The following DSCAML1 variants were observed in gnomAD, a reference collection of about 807,000 sequenced individuals.
DSCAML1 encodes DS cell adhesion molecule like 1.
In DSCAML1, 38 loss-of-function variants were observed where a neutral mutation model predicts 200.5. That is an observed-to-expected ratio of 0.19 (90% CI 0.15 to 0.25). The LOEUF (loss-of-function observed/expected upper bound fraction) is 0.25. Ranked by LOEUF, DSCAML1 falls within the 10% of genes least tolerant of loss-of-function variation. The pLI is 1.00. For synonymous variants in DSCAML1, 1,215 were observed against 1,165.0 expected (o/e 1.04, Z -0.87); for missense variants, 2,223 against 2,858.8 (o/e 0.78, Z 5.07).
At chr11:117,692,363 G>A (rs1239402090) in intron 3 of DSCAML1, among the ~76,000 whole-genome samples, 1 of 152,080 alleles carries the variant, frequency 6.6e-6, no homozygotes, top group East Asian at 1.9e-4. Flanking sequence ...GAGCCGTTCT[G>A]AGTGGGTTTT....
intron 14 of DSCAML1, among the ~76,000 whole-genome samples, chr11:117,476,647 G>C (rs1254243842): frequency 6.6e-6 from 1 of 152,242 alleles, no homozygotes; most frequent in African/African-American, 2.4e-5. Context: ...TGTGGTGTCT[G>C]CATTTTTAAA....
chr11:117,607,685 C>T (rs763809074), intron 3 of DSCAML1, among the ~76,000 whole-genome samples: 1 of 152,176 alleles, frequency 6.6e-6, no homozygotes, highest in Non-Finnish European at 1.5e-5. Flanking sequence ...GCCCCCACAC[C>T]TTATCTGTGC....
chr11:117,501,600 G>A (rs1302393845), intron 11 of DSCAML1, among the ~76,000 whole-genome samples: 1 of 152,150 alleles, frequency 6.6e-6, no homozygotes, highest in African/African-American at 2.4e-5. Context: ...GGAGAGTGGG[G>A]CCGGAATGGG....
Position 117,505,449 on chromosome 11 carries a change from C to T in DSCAML1, c.2062+5G>A. On this transcript the variant is annotated splice_donor_5th_base_variant and intron_variant, in intron 9 of 32. Transcript: ENST00000651296. The surrounding 1 kb of genome is among the most constrained non-coding windows in gnomAD (Gnocchi z 6.7). The stretch of plus-strand genomic sequence containing the variant: ...CTCCCCTGAGGCTGGCCTGTCCCTG[C>T]TCACCACGCACGATGAGCTGGCGCT... 6.2e-7 allele frequency: 1 copy of T among 1,608,150 alleles called. No homozygotes were observed. Among genetic ancestry groups the T allele is most frequent in the Non-Finnish European group, 8.5e-7 (1 of 1,179,528 alleles).
chr11:117,583,385 T>C (rs2051079777), intron 3 of DSCAML1, among the ~76,000 whole-genome samples: 1 of 152,148 alleles, frequency 6.6e-6, no homozygotes, highest in African/African-American at 2.4e-5. Context: ...CACTAGCCAA[T>C]GTCTAAATCT....
At chr11:117,525,264 GCCAGA>G (rs1331119371) in intron 4 of DSCAML1, among the ~76,000 whole-genome samples, 181 bp from the exon 5 acceptor site, 3 of 152,130 alleles carry the variant, frequency 2.0e-5, no homozygotes, top group Non-Finnish European at 4.4e-5. Context: ...CTGTGCTCAG[GCCAGA>G]CCAAGCCCCA....
chr11:117,562,666 GAATGAATGAACA>G (rs1221345316), intron 3 of DSCAML1, among the ~76,000 whole-genome samples: 6 of 152,224 alleles, frequency 3.9e-5, no homozygotes, highest in African/African-American at 1.4e-4. Context: ...CCTTGTGAAT[GAATGAATGAACA>G]AATGAATGAA....
At position 117,465,126 on chromosome 11, in the gene DSCAML1, T is replaced by C; in HGVS notation, c.3081A>G (p.Arg1027=). ...GVIRGYQIGY[R]ENSPGSNGQY... is the part of the protein sequence containing the mutation. ...GCCCGTTGCTGCCGGGGCTGTTCTC[T>C]CTGTAGCCAATCTGGTAGCCCCGGA... Residue 1027 remains arginine (R), a synonymous_variant, in exon 17 of 33, where the codon AGA becomes AGG. Transcript: ENST00000651296. The C allele has an allele frequency of 6.2e-7, 1 of 1,614,094 alleles. No individual in the cohort carries two copies. Among genetic ancestry groups the C allele is most frequent in the Non-Finnish European group, 8.5e-7 (1 of 1,180,008 alleles).
chr11:117,612,476 T>C (rs2051716680), intron 3 of DSCAML1, among the ~76,000 whole-genome samples: 1 of 152,184 alleles, frequency 6.6e-6, no homozygotes, highest in African/African-American at 2.4e-5. Context: ...TAGTCCCTGC[T>C]GTGGATCAAT....
rs35503235 is a variant in DSCAML1 at position 117,521,395 on chromosome 11, A to C, written c.948T>G (p.His316Gln). The C allele has an allele frequency of 2.5e-6, 4 of 1,612,762 alleles. No homozygotes were observed. Among genetic ancestry groups the C allele is most frequent in the Non-Finnish European group, 3.4e-6 (4 of 1,179,056 alleles). ...TCAGCTTCTTTGGTGTCAGGGTCAC[A>C]TGAAGGGGATCTGGGCCGGGCCAGG... ...TGILMVIDPL[H>Q]VTLTPKKLKT... The change falls in exon 6 of 33, where the codon CAT becomes CAG. Residue 316 changes from histidine to glutamine, a missense_variant. Physicochemically the swap from His to Gln is conservative, Grantham distance 24 (BLOSUM62 0). Around this residue, in one of 7 missense-constraint regions of DSCAML1, gnomAD observed 579 missense variants for 721.5 expected, o/e 0.80. Coordinates refer to ENST00000651296, the MANE Select transcript of DSCAML1 (RefSeq NM_020693.4).
chr11:117,759,969 T>C (rs566788083), intron 3 of DSCAML1, among the ~76,000 whole-genome samples: 5 of 152,170 alleles, frequency 3.3e-5, no homozygotes, highest in African/African-American at 1.2e-4. Flanking sequence ...AGGAAATAAA[T>C]AGGGCAAAGA....
intron 3 of DSCAML1, among the ~76,000 whole-genome samples, chr11:117,595,973 TTC>T (rs554181981): frequency 2.0e-5 from 3 of 152,310 alleles, no homozygotes; most frequent in African/African-American, 7.2e-5. Flanking sequence ...TATTAATAAA[TTC>T]TTTTTTGTTC....
chr11:117,747,642 C>T (rs754440816), intron 3 of DSCAML1, among the ~76,000 whole-genome samples: 8 of 152,230 alleles, frequency 5.3e-5, no homozygotes, highest in Non-Finnish European at 1.0e-4. Context: ...AATGAGCTGG[C>T]TTCAGGAGGA....
intron 21 of DSCAML1, among the ~76,000 whole-genome samples, chr11:117,442,383 GTGTA>G: frequency 6.6e-6 from 1 of 152,198 alleles, no homozygotes; most frequent in African/African-American, 2.4e-5. Flanking sequence ...TGTATAGTGT[GTGTA>G]TGCATGTGTG....
chr11:117,771,180 G>A (rs1475643272), intron 3 of DSCAML1, among the ~76,000 whole-genome samples: 2 of 151,930 alleles, frequency 1.3e-5, no homozygotes, highest in African/African-American at 2.4e-5. Flanking sequence ...GTAGATTCGT[G>A]GGAGCCAAAG....
chr11:117,628,522 C>T (rs538975871), intron 3 of DSCAML1, among the ~76,000 whole-genome samples: 42 of 152,320 alleles, frequency 2.8e-4, no homozygotes, highest in Non-Finnish European at 5.1e-4. Flanking sequence ...CAGTCAATTC[C>T]GATATTCTGG....
At chr11:117,626,035 T>C (rs147793723) in intron 3 of DSCAML1, among the ~76,000 whole-genome samples, 2,400 of 152,356 alleles carry the variant, frequency 0.016, 31 homozygotes, top group East Asian at 0.058. Context: ...ACTTTGAGGC[T>C]AGTGCCTGTG....
At chr11:117,707,465 C>A (rs1028484715) in intron 3 of DSCAML1, among the ~76,000 whole-genome samples, 1 of 152,218 alleles carries the variant, frequency 6.6e-6, no homozygotes, top group African/African-American at 2.4e-5. Flanking sequence ...GCCCATTTAG[C>A]CCACCAGGCA....
rs751796435 is a variant in DSCAML1 at position 117,437,530 on chromosome 11, C to A, written c.4433-121G>T. On this transcript the variant is annotated intron_variant, in intron 25 of 32. Transcript: ENST00000651296. This position sits in a 1 kb window ranked among gnomAD's most constrained non-coding sequence, Gnocchi z 5.3. ...GGATGGCAGTGGCTCCAGGAGAATA[C>A]ATGTTTGGCACAGATGGGGTGGGGA... 1.7e-4 allele frequency: 209 copies of A among 1,231,868 alleles called. 1 individual carries two copies. The highest frequency in any genetic ancestry group is 1.9e-4 in the Non-Finnish European group (168 of 880,246). 76.3% of individuals were successfully genotyped at this position (1,231,868 alleles called of 1,614,324 possible). A position where few individuals can be genotyped will look rare whatever the true frequency, so the allele number is the denominator to read the frequency against.
Sources: gnomAD v4.1 joint callset for allele counts (sites outside exome capture counted in the v4.1 genomes callset) on GRCh38, gnomAD v4.1.1 for gene constraint, gnomAD v4.1.1 regional missense constraint, Gnocchi (gnomAD v3.1) non-coding constraint, MANE v1.5 for transcripts, NCBI Gene and HGNC (gene_info 2026-07-23, HGNC 2026-07-21) for gene names.